The following PDE1A variants were observed in gnomAD, a reference collection of about 807,000 sequenced individuals.
PDE1A encodes dual specificity calcium/calmodulin-dependent 3',5'-cyclic nucleotide phosphodiesterase 1A.
Under a neutral mutation model 61.7 loss-of-function variants are expected in PDE1A, and 35 were observed. That is an observed-to-expected ratio of 0.57 (90% CI 0.43 to 0.75). The LOEUF (loss-of-function observed/expected upper bound fraction) is 0.75. PDE1A is among the 30% of genes least tolerant of loss of function. PDE1A has a pLI of 0.00. For synonymous variants in PDE1A, 232 were observed against 213.2 expected (o/e 1.09, Z -0.77); for missense variants, 597 against 630.6 (o/e 0.95, Z 0.57).
chr2:182,287,667 T>C (rs967759312), intron 1 of PDE1A, among the ~76,000 whole-genome samples: 4 of 152,140 alleles, frequency 2.6e-5, no homozygotes, highest in Admixed American at 6.5e-5. Context: ...TTACTTAGCA[T>C]TACAAAAGAT....
chr2:182,373,108 T>C (rs975432668), intron 1 of PDE1A, among the ~76,000 whole-genome samples: 3 of 152,162 alleles, frequency 2.0e-5, no homozygotes, highest in Admixed American at 1.3e-4. Context: ...GTGAAGAAGA[T>C]TAGAATGAAA....
chr2:182,444,104 T>C (rs1684978092), intron 2 of PDE1A, among the ~76,000 whole-genome samples: 1 of 152,178 alleles, frequency 6.6e-6, no homozygotes, highest in Non-Finnish European at 1.5e-5. Flanking sequence ...CCCTACCCAC[T>C]CATTCACTAA....
the PDE1A span, among the ~76,000 whole-genome samples, chr2:182,713,064 C>T: frequency 1.3e-5 from 2 of 152,132 alleles, no homozygotes; most frequent in African/African-American, 4.8e-5. Context: ...AACACCCATG[C>T]TCTTTTGAAG....
chr2:182,383,237 G>A (rs1454227727), intron 1 of PDE1A, among the ~76,000 whole-genome samples: 1 of 152,128 alleles, frequency 6.6e-6, no homozygotes, highest in Non-Finnish European at 1.5e-5. Flanking sequence ...AGTCCTTCCT[G>A]AAGTTCTTGC....
chr2:182,644,128 T>TACACACACACACACACACACACACACAC, the PDE1A span, among the ~76,000 whole-genome samples: 3 of 129,528 alleles, frequency 2.3e-5, no homozygotes, highest in Admixed American at 7.9e-5. Flanking sequence ...AATCAATGAT[T>TACACACACACACACACACACACACACAC]ACACACACAC....
intron 1 of PDE1A, among the ~76,000 whole-genome samples, chr2:182,381,918 A>G (rs1700761476): frequency 1.3e-5 from 2 of 152,046 alleles, no homozygotes; most frequent in African/African-American, 4.8e-5. Context: ...TTACTGAAAC[A>G]TAGTCATTGT....
intron 1 of PDE1A, among the ~76,000 whole-genome samples, chr2:182,310,855 C>T (rs1695919452): frequency 6.6e-6 from 1 of 152,168 alleles, no homozygotes; most frequent in South Asian, 2.1e-4. Flanking sequence ...ATAAACAAGG[C>T]CATGTGACCA....
the PDE1A span, among the ~76,000 whole-genome samples, chr2:182,626,758 T>C: frequency 5.0e-4 from 5 of 9,996 alleles, 1 homozygote; most frequent in African/African-American, 7.9e-4. Context: ...CATATATATA[T>C]ATACATATAT....
chr2:182,320,599 G>A (rs898686972), intron 1 of PDE1A, among the ~76,000 whole-genome samples: 5 of 152,128 alleles, frequency 3.3e-5, no homozygotes, highest in African/African-American at 4.8e-5. Flanking sequence ...GCAATAAGTA[G>A]ATATTTGCTT....
chr2:182,283,130 A>T (rs1341377438), intron 1 of PDE1A, among the ~76,000 whole-genome samples: 1 of 152,082 alleles, frequency 6.6e-6, no homozygotes, highest in Admixed American at 6.6e-5. Context: ...ATAAACTGTC[A>T]ACTCAATGTA....
chr2:182,348,753 C>A lies in PDE1A; in HGVS notation c.53+77825G>T, dbSNP rs561447062. Among the ~76,000 whole-genome samples the A allele has an allele frequency of 8.8e-4, 134 of 151,804 alleles. No individual in the cohort carries two copies. The Middle Eastern group carries it at 0.01, about 12-fold the overall frequency. On this transcript the variant is annotated intron_variant, in intron 1 of 13. Coordinates refer to ENST00000351439, the Ensembl canonical transcript of PDE1A. The stretch of plus-strand genomic sequence containing the variant: ...CCAGTTGCATCCCTGGATCTCAAAA[C>A]CTTACCTTGTGACAGAGCTTTGGGC...
the PDE1A span, among the ~76,000 whole-genome samples, chr2:182,626,792 C>CATATATATACAT: frequency 0.071 from 601 of 8,462 alleles, 23 homozygotes; most frequent in Admixed American, 0.096. Context: ...CATATATATA[C>CATATATATACAT]ATATATATAC....
At chr2:182,598,562 C>CAAA in the PDE1A span, among the ~76,000 whole-genome samples, 1 of 129,468 alleles carries the variant, frequency 7.7e-6, no homozygotes, top group African/African-American at 2.8e-5. Context: ...AACTCTGTCT[C>CAAA]AAAAAAAAAA....
the PDE1A span, among the ~76,000 whole-genome samples, chr2:182,688,444 G>A: frequency 6.6e-6 from 1 of 152,240 alleles, no homozygotes; most frequent in South Asian, 2.1e-4. Flanking sequence ...CATAAGTGAA[G>A]GAGAAATAAA....
At chr2:182,255,659 C>CTTTTTTTTTTTTTTT (rs1303654382) in intron 2 of PDE1A, among the ~76,000 whole-genome samples, 1 of 133,570 alleles carries the variant, frequency 7.5e-6, no homozygotes, top group Non-Finnish European at 1.6e-5. Context: ...TCTTTCTTTT[C>CTTTTTTTTTTTTTTT]TTTTTTTTTT....
At chr2:182,286,164 T>C (rs1694148081) in intron 1 of PDE1A, among the ~76,000 whole-genome samples, 1 of 152,098 alleles carries the variant, frequency 6.6e-6, no homozygotes, top group Non-Finnish European at 1.5e-5. Flanking sequence ...AAAGCTGCTC[T>C]GGGAGGGCAC....
intron 2 of PDE1A, among the ~76,000 whole-genome samples, chr2:182,509,524 G>A (rs56178953): frequency 0.052 from 7,955 of 152,248 alleles, 252 homozygotes; most frequent in Middle Eastern, 0.099. Context: ...GTGTTCAGTG[G>A]AATAAGTATG....
Position 182,205,997 on chromosome 2 carries a change from C to T in PDE1A, c.845G>A (p.Arg282Gln), listed in dbSNP as rs760883561. 7.4e-6 allele frequency: 12 copies of T among 1,611,478 alleles called. No individual in the cohort carries two copies. The highest frequency in any genetic ancestry group is 1.7e-4 in the Middle Eastern group (1 of 6,046). Reference sequence around the variant, plus strand: ...ATTCATTTCTTCTTCTTGCATAAGTCGATAAGCTGCACTCACGTGGTGATT... The same window carrying T: ...ATTCATTTCTTCTTCTTGCATAAGTTGATAAGCTGCACTCACGTGGTGATT... The change falls in exon 8 of 14, where the codon CGA becomes CAA. Residue 282 changes from arginine (R) to glutamine (Q), a missense_variant. Arg to Gln is a conservative substitution (Grantham distance 43, BLOSUM62 1). Coordinates refer to ENST00000351439, the Ensembl canonical transcript of PDE1A.
the PDE1A span, among the ~76,000 whole-genome samples, chr2:182,663,361 G>A: frequency 6.6e-6 from 1 of 152,118 alleles, no homozygotes; most frequent in Non-Finnish European, 1.5e-5. Context: ...CTATCATAAA[G>A]ACACATTCAT....
Sources: gnomAD v4.1 joint callset for allele counts (sites outside exome capture counted in the v4.1 genomes callset) on GRCh38, gnomAD v4.1.1 for gene constraint, MANE v1.5 for transcripts, NCBI Gene and HGNC (gene_info 2026-07-23, HGNC 2026-07-21) for gene names.